The following PRKCE variants were observed in gnomAD, a reference collection of about 807,000 sequenced individuals.
PRKCE encodes the protein protein kinase C epsilon.
Under a neutral mutation model 85.4 loss-of-function variants are expected in PRKCE, and 16 were observed. The ratio of observed to expected loss-of-function variants is 0.19; its 90% confidence interval spans 0.13 to 0.28. The LOEUF (loss-of-function observed/expected upper bound fraction) is 0.28, where lower values mean the gene tolerates loss of function less well. Ranked by LOEUF, PRKCE falls within the 10% of genes least tolerant of loss-of-function variation. The probability of loss-of-function intolerance (pLI) is 1.00; values close to 1 mark genes in which losing one functional copy is unlikely to be tolerated. For missense variants in PRKCE, 573 were observed against 975.2 expected (o/e 0.59, Z 5.49); for synonymous variants, 388 against 371.5 (o/e 1.04, Z -0.51).
At chr2:46,094,050 G>T (rs1670442332) in intron 11 of PRKCE, among the ~76,000 whole-genome samples, 1 of 152,044 alleles carries the variant, frequency 6.6e-6, no homozygotes, top group Admixed American at 6.6e-5. Flanking sequence ...TCTACAAACT[G>T]TCCATATCTC....
intron 2 of PRKCE, among the ~76,000 whole-genome samples, chr2:45,892,898 C>T (rs1242314797): frequency 1.3e-5 from 2 of 152,120 alleles, no homozygotes; most frequent in African/African-American, 4.8e-5. Context: ...GTAATGTACC[C>T]CCCGGGGTTG....
intron 11 of PRKCE, among the ~76,000 whole-genome samples, chr2:46,108,382 G>T (rs1671945621): frequency 6.6e-6 from 1 of 152,184 alleles, no homozygotes; most frequent in African/African-American, 2.4e-5. Flanking sequence ...GGAGGCCATT[G>T]TCTTAAGTGA....
intron 1 of PRKCE, chr2:45,675,572 G>A (rs1381073723): frequency 6.6e-6 from 1 of 152,220 alleles, no homozygotes; most frequent in Non-Finnish European, 1.5e-5. Context: ...TAAGGTCCAT[G>A]TGGTTTGAGG....
At position 46,155,067 on chromosome 2, in the gene PRKCE, C is replaced by G. The variant is rs1009115730; in HGVS notation, c.1920+3838C>G. ...AAGTTAAATGCCTGCAAGAGCCCAG[C>G]AGGAGCTGTGGAAGGTGAACAGGAC... On this transcript the variant is annotated intron_variant, in intron 13 of 14. Coordinates refer to ENST00000306156, the MANE Select transcript of PRKCE (RefSeq NM_005400.3). This position sits in a 1 kb window ranked among gnomAD's most constrained non-coding sequence, Gnocchi z 4.7. Among the ~76,000 whole-genome samples the G allele has an allele frequency of 6.6e-6, 1 of 152,128 alleles. No homozygotes were observed. The highest frequency in any genetic ancestry group is 2.1e-4 in the South Asian group (1 of 4,830).
intron 13 of PRKCE, among the ~76,000 whole-genome samples, chr2:46,152,764 G>C (rs1365553842): frequency 1.3e-5 from 2 of 151,802 alleles, no homozygotes; most frequent in East Asian, 3.9e-4. Flanking sequence ...GGCCAGGCTG[G>C]TTCCGAACTC....
chr2:46,088,833 C>A (rs1204268840), intron 11 of PRKCE, among the ~76,000 whole-genome samples: 1 of 152,158 alleles, frequency 6.6e-6, no homozygotes, highest in Non-Finnish European at 1.5e-5. Context: ...GATACAGAGA[C>A]TCAATTTAAG....
In PRKCE at chr2:45,698,877, A is replaced by G. The variant is rs1344679306; in HGVS notation, c.348+46429A>G. On this transcript the variant is annotated intron_variant, in intron 1 of 14. Coordinates refer to ENST00000306156, the MANE Select transcript of PRKCE (RefSeq NM_005400.3). ...TTTGATATAGAAAGTACATGTGGTTACCCTCCCTTTTGGGAGAATTAACAT... is the reference window on the plus strand; with the variant it reads ...TTTGATATAGAAAGTACATGTGGTTGCCCTCCCTTTTGGGAGAATTAACAT... Among the ~76,000 whole-genome samples the G allele has an allele frequency of 3.3e-5, 5 of 151,502 alleles. No individual in the cohort carries two copies. The East Asian group carries it at 9.6e-4, about 29-fold the overall frequency.
rs1294443991 is a variant in PRKCE, at chr2:45,884,993, A to ATTTTTTT, written c.412+41931_412+41932insTTTTTTT. Among the ~76,000 whole-genome samples, 20 of 68,592 alleles carry ATTTTTTT rather than the reference A, an allele frequency of 2.9e-4. 1 individual carries two copies. In the South Asian group the frequency reaches 3.0e-3, roughly 10 times the overall value. 45.0% of individuals were successfully genotyped at this position (68,592 alleles called of 152,430 possible). A position where few individuals can be genotyped will look rare whatever the true frequency, so the allele number is the denominator to read the frequency against. ...TATATATATATATATATATATATAT[A>ATTTTTTT]TATATATATTTGTTGTTGTTGTTGT... On this transcript the variant is annotated intron_variant, in intron 2 of 14. Coordinates refer to ENST00000306156, the MANE Select transcript of PRKCE (RefSeq NM_005400.3).
intron 1 of PRKCE, among the ~76,000 whole-genome samples, chr2:45,701,713 A>C (rs1678656968): frequency 6.6e-6 from 1 of 152,188 alleles, no homozygotes; most frequent in South Asian, 2.1e-4. Flanking sequence ...CCCCAGATGG[A>C]AACAGAATTT....
chr2:45,853,541 A>G (rs1692442834), intron 2 of PRKCE, among the ~76,000 whole-genome samples: 1 of 152,156 alleles, frequency 6.6e-6, no homozygotes, highest in African/African-American at 2.4e-5. Context: ...ACTTACCTCT[A>G]TGTGATCTCC....
intron 1 of PRKCE, among the ~76,000 whole-genome samples, chr2:45,769,468 A>T (rs1177312957): frequency 6.6e-6 from 1 of 152,000 alleles, no homozygotes; most frequent in Non-Finnish European, 1.5e-5. Flanking sequence ...TTGTGTGTAC[A>T]CTCATTCATG....
chr2:45,766,694 G>C (rs777552447), intron 1 of PRKCE, among the ~76,000 whole-genome samples: 1 of 152,188 alleles, frequency 6.6e-6, no homozygotes, highest in African/African-American at 2.4e-5. Flanking sequence ...CTTGAATCAT[G>C]CTTCATAGGT....
rs535854869 is a variant in PRKCE, at chr2:46,022,490, G to A, written c.1437+11973G>A. On this transcript the variant is annotated intron_variant, in intron 10 of 14. Transcript: ENST00000306156. ...CAGGGAAAGTCACATGGGGCCTTTC[G>A]TAGGGAGCTTCTACCTAGTCTATTG... Among the ~76,000 whole-genome samples, 7 of 152,036 alleles carry A rather than the reference G, an allele frequency of 4.6e-5. No homozygotes were observed. In the South Asian group the frequency reaches 6.2e-4, roughly 14 times the overall value.
intron 10 of PRKCE, chr2:46,078,345 G>A (rs376916465): frequency 2.0e-5 from 3 of 149,954 alleles, no homozygotes; most frequent in Non-Finnish European, 4.4e-5. Flanking sequence ...AAACCAACCC[G>A]GGCAACATAG....
At chr2:46,025,165 C>T (rs1707003348) in intron 10 of PRKCE, among the ~76,000 whole-genome samples, 2 of 152,164 alleles carry the variant, frequency 1.3e-5, no homozygotes, top group African/African-American at 4.8e-5. Flanking sequence ...CGAGAGAACT[C>T]CCGGGGTTGG....
chr2:45,682,334 T>C (rs994312437), intron 1 of PRKCE, among the ~76,000 whole-genome samples: 5 of 152,256 alleles, frequency 3.3e-5, no homozygotes, highest in Non-Finnish European at 7.3e-5. Flanking sequence ...GGTGCCTGTC[T>C]GAGAGTACGA....
In PRKCE at chr2:46,004,623, T is replaced by C. The variant is rs1391882478; in HGVS notation, c.1048T>C (p.Ser350Pro). ...AGATCGATCCAAGTCAGCACCCACC[T>C]CCCCTTGTGACCAGGGTGAGACCCT... is the stretch of plus-strand genomic sequence containing the variant. The part of the protein sequence containing the change: ...EEDRSKSAPT[S>P]PCDQEIKELE... Residue 350 changes from serine (S) to proline (P), a missense_variant, in exon 8 of 15, where the codon TCC becomes CCC. Ser to Pro is a moderately conservative substitution (Grantham distance 74, BLOSUM62 -1). Transcript: ENST00000306156. The surrounding 1 kb of genome is among the most constrained non-coding windows in gnomAD (Gnocchi z 4.1). 5.0e-6 allele frequency: 8 copies of C among 1,585,926 alleles called. No individual in the cohort carries two copies. Among genetic ancestry groups the C allele is most frequent in the Non-Finnish European group, 6.8e-6 (8 of 1,173,096 alleles).
chr2:45,768,614 G>T (rs1685088862), intron 1 of PRKCE, among the ~76,000 whole-genome samples: 1 of 152,140 alleles, frequency 6.6e-6, no homozygotes, highest in African/African-American at 2.4e-5. Flanking sequence ...CTTCTCACCT[G>T]AGCCCTACCT....
At chr2:46,058,882 G>A (rs1414014050) in intron 10 of PRKCE, among the ~76,000 whole-genome samples, 2 of 152,118 alleles carry the variant, frequency 1.3e-5, no homozygotes, top group African/African-American at 4.8e-5. Flanking sequence ...AATTTTTGTT[G>A]CTATGGGATC....
Sources: allele counts gnomAD v4.1 joint callset (sites outside exome capture counted in the v4.1 genomes callset), GRCh38; gene constraint gnomAD v4.1.1; non-coding constraint Gnocchi (gnomAD v3.1); transcripts MANE v1.5; gene names NCBI Gene and HGNC (gene_info 2026-07-23, HGNC 2026-07-21).